SLC25A21: variants seen among roughly 807,000 people sequenced by gnomAD.
SLC25A21 encodes the protein mitochondrial 2-oxodicarboxylate carrier.
In SLC25A21, 47 loss-of-function variants were observed where a neutral mutation model predicts 43.8. That is an observed-to-expected ratio of 1.07 (90% CI 0.85 to 1.37). The LOEUF (loss-of-function observed/expected upper bound fraction) is 1.37, where lower values mean the gene tolerates loss of function less well. Among genes scored for constraint, SLC25A21 ranks in the 40% most tolerant of loss-of-function variants. The probability of loss-of-function intolerance (pLI) is 0.00; values close to 1 mark genes in which losing one functional copy is unlikely to be tolerated. For synonymous variants in SLC25A21, 131 were observed against 121.3 expected (o/e 1.08, Z -0.52); for missense variants, 352 against 350.2 (o/e 1.00, Z -0.04).
chr14:36,702,568 A>T (rs1883327242), intron 7 of SLC25A21, among the ~76,000 whole-genome samples: 1 of 151,848 alleles, frequency 6.6e-6, no homozygotes, highest in South Asian at 2.1e-4. Flanking sequence ...ATGGGTCTAG[A>T]TTAGAATACT....
intron 1 of SLC25A21, among the ~76,000 whole-genome samples, chr14:37,063,216 G>C (rs1486862535): frequency 6.6e-6 from 1 of 152,022 alleles, no homozygotes; most frequent in Non-Finnish European, 1.5e-5. Flanking sequence ...GATGAGATTT[G>C]GGTCCAGGTG....
intron 7 of SLC25A21, among the ~76,000 whole-genome samples, chr14:36,706,579 C>T (rs776619912): frequency 5.3e-5 from 8 of 152,112 alleles, no homozygotes; most frequent in African/African-American, 9.7e-5. Context: ...AGGCAGAGCC[C>T]GTAATATTCC....
chr14:37,162,859 C>T (rs1198023272), intron 1 of SLC25A21, among the ~76,000 whole-genome samples: 9 of 152,260 alleles, frequency 5.9e-5, no homozygotes, highest in African/African-American at 1.4e-4. Context: ...TATTGCAGCA[C>T]TATTCACAAT....
chr14:37,084,408 T>C (rs1962445112), intron 1 of SLC25A21, among the ~76,000 whole-genome samples: 2 of 152,200 alleles, frequency 1.3e-5, no homozygotes, highest in South Asian at 4.1e-4. Context: ...AGATGTACTG[T>C]TGGTAGAGAA....
At chr14:37,098,697 T>TTAGATAGATAGA (rs139250576) in intron 1 of SLC25A21, 68 of 117,262 alleles carry the variant, frequency 5.8e-4, no homozygotes, top group Middle Eastern at 4.2e-3. Context: ...TATAGGACGA[T>TTAGATAGATAGA]TAGATAGATA....
intron 3 of SLC25A21, among the ~76,000 whole-genome samples, chr14:36,735,865 A>T (rs1885013804): frequency 1.7e-5 from 2 of 120,634 alleles, no homozygotes; most frequent in Admixed American, 9.1e-5. Flanking sequence ...TGTTAAGCTT[A>T]TGGATCTCAT....
chr14:36,916,538 T>C (rs1028983221), intron 1 of SLC25A21, among the ~76,000 whole-genome samples: 3 of 152,218 alleles, frequency 2.0e-5, no homozygotes, highest in Non-Finnish European at 4.4e-5. Context: ...AATATGCCGA[T>C]GGAGTCTACT....
chr14:36,678,626 A>G lies in SLC25A21; in HGVS notation c.*2032T>C. On this transcript the variant is annotated 3_prime_UTR_variant, in exon 10 of 10. Transcript: ENST00000331299. ...TAAGGTACAGAACTATTCTTTATCA[A>G]ATGTTTTTAGGTGGCTGTTAGGGGG... 1 of 1,311,232 alleles carries G rather than the reference A, an allele frequency of 7.6e-7. No homozygotes were observed. Among genetic ancestry groups the G allele is most frequent in the Non-Finnish European group, 9.7e-7 (1 of 1,028,892 alleles). The allele number at this position is 1,311,232 out of a possible 1,614,324, so 81.2% of individuals were successfully genotyped here.
chr14:36,988,839 T>C (rs1438816549), intron 1 of SLC25A21, among the ~76,000 whole-genome samples: 1 of 152,184 alleles, frequency 6.6e-6, no homozygotes, highest in Admixed American at 6.5e-5. Context: ...TTAAACACTC[T>C]TGATTTATGG....
chr14:37,107,436 C>G (rs547995400), intron 1 of SLC25A21, among the ~76,000 whole-genome samples: 1 of 152,172 alleles, frequency 6.6e-6, no homozygotes, highest in Admixed American at 6.5e-5. Context: ...TCCCTTCTCT[C>G]CCTCCCAAAG....
intron 9 of SLC25A21, 52 bp from the exon 10 acceptor site, chr14:36,680,771 G>A (rs1411022741): frequency 2.0e-6 from 3 of 1,526,844 alleles, no homozygotes; most frequent in Non-Finnish European, 2.7e-6. Context: ...AATAGCACTG[G>A]CTTTCCCACT....
intron 3 of SLC25A21, among the ~76,000 whole-genome samples, chr14:36,785,309 C>T (rs1887207575): frequency 1.3e-5 from 2 of 152,348 alleles, no homozygotes; most frequent in African/African-American, 2.4e-5. Flanking sequence ...CAAAACCACA[C>T]TAAACCAAAC....
intron 1 of SLC25A21, among the ~76,000 whole-genome samples, chr14:37,163,876 G>T (rs1963989915): frequency 6.6e-6 from 1 of 152,106 alleles, no homozygotes; most frequent in South Asian, 2.1e-4. Flanking sequence ...TGTCTTCAGA[G>T]TAGGAACCTA....
chr14:36,890,439 T>A (rs1253169088), intron 1 of SLC25A21, among the ~76,000 whole-genome samples: 1 of 152,010 alleles, frequency 6.6e-6, no homozygotes, highest in Non-Finnish European at 1.5e-5. Flanking sequence ...ATTGAGGACA[T>A]GATGGGGATG....
intron 1 of SLC25A21, among the ~76,000 whole-genome samples, chr14:36,899,636 A>C (rs1052654022): frequency 2.0e-5 from 3 of 152,218 alleles, no homozygotes; most frequent in African/African-American, 7.2e-5. Context: ...ACTGAGTCCA[A>C]GTATGTGAGA....
chr14:36,964,803 A>G (rs1441316005), intron 1 of SLC25A21, among the ~76,000 whole-genome samples: 1 of 152,196 alleles, frequency 6.6e-6, no homozygotes, highest in Non-Finnish European at 1.5e-5. Flanking sequence ...TTCAACATGA[A>G]CGCATCTATT....
At chr14:36,819,751 T>C (rs916997611) in intron 2 of SLC25A21, among the ~76,000 whole-genome samples, 2 of 152,088 alleles carry the variant, frequency 1.3e-5, no homozygotes, top group African/African-American at 4.8e-5. Context: ...ATACACTATA[T>C]ATGCATATAT....
intron 1 of SLC25A21, among the ~76,000 whole-genome samples, chr14:37,063,403 G>C (rs1221077872): frequency 2.0e-5 from 3 of 152,066 alleles, no homozygotes; most frequent in Non-Finnish European, 4.4e-5. Flanking sequence ...GGGAGGCTGA[G>C]GCAGGAAAAT....
intron 3 of SLC25A21, among the ~76,000 whole-genome samples, chr14:36,741,596 G>A (rs1349560769): frequency 6.6e-6 from 1 of 152,142 alleles, no homozygotes; most frequent in East Asian, 1.9e-4. Context: ...CACTGGGAAA[G>A]CCAGGATAGA....
Sources: gnomAD v4.1 joint callset for allele counts (sites outside exome capture counted in the v4.1 genomes callset) on GRCh38, gnomAD v4.1.1 for gene constraint, MANE v1.5 for transcripts, NCBI Gene and HGNC (gene_info 2026-07-23, HGNC 2026-07-21) for gene names.